Variants in THADA observed in about 807,000 individuals in gnomAD.
THADA encodes the protein THADA armadillo repeat containing.
A neutral mutation model predicts 219.8 loss-of-function variants in THADA; 213 were observed. The ratio of observed to expected loss-of-function variants is 0.97; its 90% CI spans 0.87 to 1.09. The LOEUF (loss-of-function observed/expected upper bound fraction) is 1.09, where lower values mean the gene tolerates loss of function less well. THADA is among the 50% of genes least tolerant of loss of function. The pLI is 0.00. For missense variants in THADA, 2,956 were observed against 2,311.3 expected (o/e 1.28, Z -5.72); for synonymous variants, 1,018 against 828.9 (o/e 1.23, Z -3.92).
intron 24 of THADA, 77 bp from the exon 25 acceptor site, chr2:43,499,032 A>C: frequency 1.4e-6 from 2 of 1,415,286 alleles, no homozygotes; most frequent in Non-Finnish European, 1.9e-6. Flanking sequence ...CCAATAGTAC[A>C]GCTTCAAAAC....
At chr2:43,309,640 A>C (rs894552228) in intron 31 of THADA, among the ~76,000 whole-genome samples, 1 of 152,196 alleles carries the variant, frequency 6.6e-6, no homozygotes, top group South Asian at 2.1e-4. Flanking sequence ...ATGGAAAAAA[A>C]CTTCTCCAAC....
chr2:43,575,766 G>C (rs1474425773), intron 10 of THADA, among the ~76,000 whole-genome samples: 6 of 152,084 alleles, frequency 3.9e-5, no homozygotes, highest in African/African-American at 1.4e-4. Flanking sequence ...TTGAACTCCT[G>C]ACCTCAAGTG....
chr2:43,430,801 AT>A (rs1223454503), intron 26 of THADA, among the ~76,000 whole-genome samples: 1 of 152,214 alleles, frequency 6.6e-6, no homozygotes. Context: ...TACCCACTAG[AT>A]GCCAGCAGCA....
At chr2:43,460,712 C>G (rs574516737) in intron 26 of THADA, among the ~76,000 whole-genome samples, 26 of 152,212 alleles carry the variant, frequency 1.7e-4, no homozygotes, top group African/African-American at 5.5e-4. Flanking sequence ...AACAAAAACA[C>G]AAAAACCAAC....
At chr2:43,245,172 C>CTTCTTTT (rs796699945) in intron 36 of THADA, among the ~76,000 whole-genome samples, 2 of 103,144 alleles carry the variant, frequency 1.9e-5, no homozygotes, top group Admixed American at 2.1e-4. Flanking sequence ...CTTTCTTCTT[C>CTTCTTTT]TTTTTTTTTT....
chr2:43,407,201 T>C (rs768241817), intron 28 of THADA, among the ~76,000 whole-genome samples: 12 of 152,124 alleles, frequency 7.9e-5, no homozygotes, highest in Non-Finnish European at 1.6e-4. Flanking sequence ...AGATTCCATA[T>C]TTACAGTGAT....
intron 29 of THADA, among the ~76,000 whole-genome samples, chr2:43,367,894 G>A (rs1433235628): frequency 6.6e-6 from 1 of 152,154 alleles, no homozygotes; most frequent in Non-Finnish European, 1.5e-5. Flanking sequence ...CAAGGTGGGT[G>A]GATCACGAGG....
chr2:43,538,949 G>C (rs1694953933), intron 21 of THADA, among the ~76,000 whole-genome samples: 1 of 152,132 alleles, frequency 6.6e-6, no homozygotes, highest in Non-Finnish European at 1.5e-5. Context: ...GTTTAAACAA[G>C]GAGCTGTAAA....
At chr2:43,404,359 A>C (rs917089222) in intron 28 of THADA, among the ~76,000 whole-genome samples, 4 of 145,248 alleles carry the variant, frequency 2.8e-5, no homozygotes, top group African/African-American at 1.0e-4. Flanking sequence ...GGCCTAGCTA[A>C]TTTTCTTTTT....
rs545957169 is a variant in THADA at position 43,404,554 on chromosome 2, A to T, written c.4059-6415T>A. Among the ~76,000 whole-genome samples the T allele has an allele frequency of 2.6e-5, 4 of 151,548 alleles. No homozygotes were observed. The South Asian group carries it at 8.3e-4, about 32-fold the overall frequency. On this transcript the variant is annotated intron_variant, in intron 28 of 37. Transcript: ENST00000405975. ...GTACCTTCTGTGATCAGAATCAATC[A>T]CTTCCTTCCCTCTGCCTACTCCAAT...
chr2:43,248,776 C>T (rs910740003), intron 36 of THADA, among the ~76,000 whole-genome samples: 7 of 152,058 alleles, frequency 4.6e-5, no homozygotes, highest in African/African-American at 1.7e-4. Flanking sequence ...TCAGAAGGAG[C>T]GGCCCGGGCC....
At chr2:43,485,072 A>G (rs974892500) in intron 26 of THADA, among the ~76,000 whole-genome samples, 162 bp downstream of exon 26, 1 of 152,122 alleles carries the variant, frequency 6.6e-6, no homozygotes, top group Admixed American at 6.6e-5. Flanking sequence ...TTTTTGCCCA[A>G]GGGTTTATAA....
intron 36 of THADA, among the ~76,000 whole-genome samples, chr2:43,244,751 A>G (rs1045385537): frequency 3.9e-5 from 6 of 152,204 alleles, no homozygotes; most frequent in African/African-American, 1.2e-4. Flanking sequence ...TCCACAGCAG[A>G]TGAGTCCCTC....
At chr2:43,584,037 TAAAAAAAA>T (rs536050936) in intron 7 of THADA, among the ~76,000 whole-genome samples, 6 of 65,610 alleles carry the variant, frequency 9.1e-5, no homozygotes, top group African/African-American at 3.0e-4. Flanking sequence ...TTGTCTCAAT[TAAAAAAAA>T]AAAAAAAAAA....
intron 28 of THADA, among the ~76,000 whole-genome samples, chr2:43,424,202 C>G (rs995265519): frequency 3.3e-5 from 5 of 152,120 alleles, no homozygotes; most frequent in Non-Finnish European, 7.3e-5. Flanking sequence ...ACATATAATA[C>G]TTATAAATAC....
chr2:43,312,948 T>G (rs532771367), intron 31 of THADA, among the ~76,000 whole-genome samples: 4 of 152,288 alleles, frequency 2.6e-5, no homozygotes, highest in African/African-American at 9.6e-5. Context: ...ATGGAAATAG[T>G]TAAATTTAAC....
intron 36 of THADA, among the ~76,000 whole-genome samples, chr2:43,234,862 T>C (rs2104016516): frequency 6.6e-6 from 1 of 152,252 alleles, no homozygotes; most frequent in East Asian, 1.9e-4. Context: ...TTGTAGAGAC[T>C]GGGTTTCACC....
intron 30 of THADA, among the ~76,000 whole-genome samples, chr2:43,323,133 T>C (rs1678938954): frequency 6.6e-6 from 1 of 152,072 alleles, no homozygotes; most frequent in South Asian, 2.1e-4. Flanking sequence ...CATTTTCTTT[T>C]CTTTCTTTTT....
intron 26 of THADA, chr2:43,430,622 A>C (rs1049516625): frequency 1.2e-4 from 55 of 463,508 alleles, no homozygotes; most frequent in African/African-American, 1.0e-3. Flanking sequence ...TTTGGACTAT[A>C]AGTAGAGTCA....
Sources: gnomAD v4.1 joint callset for allele counts (sites outside exome capture counted in the v4.1 genomes callset) on GRCh38, gnomAD v4.1.1 for gene constraint, MANE v1.5 for transcripts, NCBI Gene and HGNC (gene_info 2026-07-23, HGNC 2026-07-21) for gene names.